The following ZNF814 variants were observed in gnomAD, a reference collection of about 807,000 sequenced individuals.
ZNF814 encodes the protein zinc finger protein 814.
Under a neutral mutation model 7.5 loss-of-function variants are expected in ZNF814, and 5 were observed. The observed-to-expected ratio is 0.67, with a 90% CI of 0.35 to 1.40. ZNF814 has a LOEUF of 1.40. Ranked by LOEUF, ZNF814 falls within the 40% of genes most tolerant of loss-of-function variation. The probability of loss-of-function intolerance (pLI) is 0.04; values close to 1 mark genes in which losing one functional copy is unlikely to be tolerated. For synonymous variants in ZNF814, 315 were observed against 340.7 expected (o/e 0.92, Z 0.83); for missense variants, 962 against 1,018.0 (o/e 0.94, Z 0.75).
intron 2 of ZNF814, among the ~76,000 whole-genome samples, chr19:57,875,975 T>C (rs1320003352): frequency 1.4e-5 from 1 of 69,954 alleles, no homozygotes; most frequent in Non-Finnish European, 2.8e-5. Flanking sequence ...TTTTTTTTTT[T>C]TTTGAGATGG....
rs755593872 is a variant in ZNF814 at position 57,874,171 on chromosome 19, GT to G, written c.1218del (p.Lys406AsnfsTer65). The G allele has an allele frequency of 6.3e-7, 1 of 1,588,582 alleles. No individual in the cohort carries two copies. Among genetic ancestry groups the G allele is most frequent in the Non-Finnish European group, 8.6e-7 (1 of 1,167,262 alleles). ...SNHQRVHTDKKHYECGECGKS... is the reference protein window; with the variant it reads ...SNHQRVHTDKXHYECGECGKS... ...TTCCCACATTCTCCACATTCATAAT[GT>G]TTTTTGTCAGTGTGAACTCTCTGAT... On this transcript the variant is annotated frameshift_variant, in exon 3 of 3. Coordinates refer to ENST00000435989, the MANE Select transcript of ZNF814 (RefSeq NM_001144989.2). LOFTEE classifies it low-confidence loss of function (END_TRUNC).
the ZNF814 span, among the ~76,000 whole-genome samples, chr19:57,904,832 C>T: frequency 1.2e-3 from 184 of 152,212 alleles, no homozygotes; most frequent in African/African-American, 4.1e-3. Flanking sequence ...GGGCGGATCA[C>T]CTGAGGTCGA....
chr19:57,893,697 TCACTTGAGGCCAGGAGTTCGAGACC>T (rs2071744059), upstream of ZNF814, among the ~76,000 whole-genome samples: 1 of 151,282 alleles, frequency 6.6e-6, no homozygotes, highest in South Asian at 2.1e-4. Context: ...GGTGGGCAGA[TCACTTGAGGCCAGGAGTTCGAGACC>T]AACCTGGCCA....
the ZNF814 span, among the ~76,000 whole-genome samples, chr19:57,901,003 C>T: frequency 4.1e-4 from 62 of 151,962 alleles, no homozygotes; most frequent in Admixed American, 9.2e-4. Flanking sequence ...CCCGCCGCTG[C>T]GCCCGGCTAA....
chr19:57,877,399 A>G (rs917849706), intron 1 of ZNF814, among the ~76,000 whole-genome samples: 9 of 152,054 alleles, frequency 5.9e-5, no homozygotes, highest in African/African-American at 2.2e-4. Flanking sequence ...ACTGCCACAC[A>G]CCACTGGCCT....
chr19:57,888,490 G>A (rs1434004522), intron 1 of ZNF814, among the ~76,000 whole-genome samples: 1 of 152,138 alleles, frequency 6.6e-6, no homozygotes. Context: ...TCTTCCAGGA[G>A]GAGCTCCGCC....
intron 1 of ZNF814, among the ~76,000 whole-genome samples, chr19:57,886,446 A>G (rs1382976217): frequency 1.3e-5 from 2 of 152,144 alleles, no homozygotes; most frequent in Admixed American, 6.5e-5. Flanking sequence ...TGGCCTTCGG[A>G]AAACCTTTAA....
Position 57,869,605 on chromosome 19 carries a change from A to G in ZNF814, c.*3217T>C, listed in dbSNP as rs2071538700. On this transcript the variant is annotated 3_prime_UTR_variant, in exon 3 of 3. Transcript: ENST00000435989. The stretch of plus-strand genomic sequence containing the variant: ...AGATTTATCACATGCTACAGCTTAA[A>G]TATGCATAGCTTACTGAATGTCATT... The G allele has an allele frequency of 6.6e-6, 1 of 152,178 alleles. No homozygotes were observed. Among genetic ancestry groups the G allele is most frequent in the Non-Finnish European group, 1.5e-5 (1 of 68,042 alleles). 9.4% of individuals were successfully genotyped at this position (152,178 alleles called of 1,614,324 possible).
intron 2 of ZNF814, 138 bp from the exon 3 acceptor site, chr19:57,875,364 G>C: frequency 1.3e-6 from 2 of 1,566,150 alleles, no homozygotes; most frequent in Non-Finnish European, 1.7e-6. Context: ...TCAGGCGGAA[G>C]ATGGTGCTAT....
intron 1 of ZNF814, among the ~76,000 whole-genome samples, chr19:57,882,742 A>G (rs1157760769): frequency 6.7e-6 from 1 of 148,646 alleles, no homozygotes; most frequent in Non-Finnish European, 1.5e-5. Context: ...TTAGATCACA[A>G]CACCCGGGTC....
In ZNF814 at chr19:57,873,571, C is replaced by T. The variant is rs758797031; in HGVS notation, c.1819G>A (p.Gly607Arg). ...VHTGERPYEC[G>R]ECGKSFSHKR... ...TGACTAAAAGATTTCCCACATTCTC[C>T]ACACTCATAAGGCCTCTCTCCAGTA... Residue 607 changes from glycine to arginine, a missense_variant, in exon 3 of 3, where the codon GGA becomes AGA. Physicochemically the swap from Gly to Arg is moderately radical, Grantham distance 125. Around this residue, in one of 7 missense-constraint regions of ZNF814, gnomAD observed 665 missense variants for 551.4 expected, o/e 1.21. Transcript: ENST00000435989. 8.7e-6 allele frequency: 14 copies of T among 1,613,882 alleles called. No homozygotes were observed. The highest frequency in any genetic ancestry group is 1.2e-5 in the Non-Finnish European group (14 of 1,180,012).
the ZNF814 span, among the ~76,000 whole-genome samples, chr19:57,903,646 C>T: frequency 1.3e-5 from 2 of 152,144 alleles, no homozygotes; most frequent in South Asian, 4.1e-4. Flanking sequence ...ATATTTTCAG[C>T]GAGGCAGCCA....
upstream of ZNF814, among the ~76,000 whole-genome samples, chr19:57,893,043 T>C (rs1282251473): frequency 2.0e-5 from 3 of 152,174 alleles, no homozygotes; most frequent in Admixed American, 6.5e-5. Flanking sequence ...TAGCTTTGTA[T>C]TGCAGATTGG....
the ZNF814 span, among the ~76,000 whole-genome samples, chr19:57,897,774 G>A: frequency 6.6e-6 from 1 of 152,132 alleles, no homozygotes. Flanking sequence ...GGAGGGTCTA[G>A]CTTAAATTTA....
the ZNF814 span, among the ~76,000 whole-genome samples, chr19:57,903,927 G>T: frequency 1.3e-5 from 2 of 152,172 alleles, no homozygotes; most frequent in Non-Finnish European, 2.9e-5. Flanking sequence ...CATGTCCTGG[G>T]TCCAGGGTCT....
intron 1 of ZNF814, among the ~76,000 whole-genome samples, chr19:57,883,636 G>C (rs2071666504): frequency 6.8e-6 from 1 of 147,142 alleles, no homozygotes. Flanking sequence ...ACTGCAGCCT[G>C]GGTGACAGAG....
chr19:57,875,957 T>C (rs1313816211), intron 2 of ZNF814, among the ~76,000 whole-genome samples: 1,280 of 111,830 alleles, frequency 0.011, 51 homozygotes, highest in African/African-American at 0.042. Flanking sequence ...TTTTTTTTTT[T>C]TTTTTTTTTT....
At chr19:57,904,389 CTT>C in the ZNF814 span, among the ~76,000 whole-genome samples, 2 of 152,166 alleles carry the variant, frequency 1.3e-5, no homozygotes, top group Admixed American at 6.5e-5. Flanking sequence ...CCTATGTACT[CTT>C]GTCTTGTCTC....
intron 2 of ZNF814, 134 bp from the exon 3 acceptor site, chr19:57,875,360 G>A (rs568714827): frequency 2.7e-5 from 42 of 1,571,836 alleles, no homozygotes; most frequent in African/African-American, 2.0e-4. Context: ...GGCTTCAGGC[G>A]GAAGATGGTG....
Sources: gnomAD v4.1 joint callset for allele counts (sites outside exome capture counted in the v4.1 genomes callset) on GRCh38, gnomAD v4.1.1 for gene constraint, gnomAD v4.1.1 regional missense constraint, MANE v1.5 for transcripts, NCBI Gene and HGNC (gene_info 2026-07-23, HGNC 2026-07-21) for gene names.